Variants in POT1 observed in about 807,000 individuals in gnomAD.
POT1 encodes protection of telomeres 1, also known as protection of telomeres protein 1.
Under a neutral mutation model 78.5 loss-of-function variants are expected in POT1, and 47 were observed. The observed-to-expected ratio is 0.60, with a 90% confidence interval of 0.47 to 0.76. POT1 has a LOEUF of 0.76. Ranked by LOEUF, POT1 falls within the 30% of genes least tolerant of loss-of-function variation. The pLI, the probability that POT1 is intolerant of heterozygous loss-of-function variation, is 0.00. For synonymous variants in POT1, 259 were observed against 260.7 expected, an observed-to-expected ratio of 0.99 and a Z score of 0.06; for missense variants, 646 against 749.9, an observed-to-expected ratio of 0.86 and a Z score of 1.62.
Position 124,822,538 on chromosome 7 carries a change from A to G in POT1, c.*1424T>C. On this transcript the variant is annotated 3_prime_UTR_variant, in exon 19 of 19. Coordinates refer to ENST00000357628, the MANE Select transcript of POT1 (RefSeq NM_015450.3). The stretch of plus-strand genomic sequence containing the variant: ...GGCACCTTTGGACCTCTACTCTTCT[A>G]GATTGAGGGCTTCCTGAAGGCAGAA... 1 of 455,878 alleles carries G rather than the reference A, an allele frequency of 2.2e-6. No homozygotes were observed. Among genetic ancestry groups the G allele is most frequent in the South Asian group, 1.6e-5 (1 of 64,428 alleles). 28.2% of individuals were successfully genotyped at this position (455,878 alleles called of 1,614,324 possible).
intron 16 of POT1, chr7:124,829,035 C>T (rs1381898679): frequency 1.4e-5 from 10 of 737,456 alleles, no homozygotes; most frequent in African/African-American, 3.4e-5. Context: ...AATAGTAAGG[C>T]ATAGGGGAAA....
At chr7:124,891,757 G>A (rs919747194) in intron 6 of POT1, among the ~76,000 whole-genome samples, 2 of 151,036 alleles carry the variant, frequency 1.3e-5, no homozygotes, top group African/African-American at 4.9e-5. Flanking sequence ...ACTTTAACCT[G>A]ACAATTTAAC....
At chr7:124,875,831 G>A (rs2116581761) in intron 6 of POT1, among the ~76,000 whole-genome samples, 1 of 152,204 alleles carries the variant, frequency 6.6e-6, no homozygotes, top group Admixed American at 6.5e-5. Flanking sequence ...CGTTATTCTG[G>A]GACATGACTG....
intron 11 of POT1, among the ~76,000 whole-genome samples, chr7:124,847,356 G>T (rs1795197372): frequency 6.6e-6 from 1 of 152,142 alleles, no homozygotes. Flanking sequence ...TTAGCCAAGT[G>T]TGGTGCAGAT....
intron 6 of POT1, among the ~76,000 whole-genome samples, chr7:124,879,659 A>G (rs1247069728): frequency 6.6e-6 from 1 of 152,118 alleles, no homozygotes; most frequent in Non-Finnish European, 1.5e-5. Context: ...GCAATAGGAT[A>G]TTTTTCTGTT....
At chr7:124,877,440 A>G (rs1584781832) in intron 6 of POT1, among the ~76,000 whole-genome samples, 1 of 152,264 alleles carries the variant, frequency 6.6e-6, no homozygotes, top group East Asian at 1.9e-4. Flanking sequence ...GACAATAGTA[A>G]TGGATCTCCC....
intron 6 of POT1, among the ~76,000 whole-genome samples, chr7:124,883,296 C>T (rs1796165405): frequency 2.0e-5 from 3 of 151,840 alleles, no homozygotes; most frequent in Admixed American, 2.0e-4. Flanking sequence ...AGCCAAAAAA[C>T]AGAAAAGTAG....
chr7:124,925,064 T>C lies in POT1; in HGVS notation c.-227+3751A>G, dbSNP rs75726069. On this transcript the variant is annotated intron_variant, in intron 2 of 18. Transcript: ENST00000357628. ...TCTAAGAATTGGAACAAGATAAGGA[T>C]ACCCACTTTCACCACTCTTACTCAA... Among the ~76,000 whole-genome samples, 610 of 152,146 alleles carry C rather than the reference T, an allele frequency of 4.0e-3. 3 individuals carry two copies. Among genetic ancestry groups the C allele is most frequent in the South Asian group, 8.5e-3 (41 of 4,826 alleles).
At chr7:124,825,827 G>A (rs1794617875) in intron 17 of POT1, among the ~76,000 whole-genome samples, 1 of 152,160 alleles carries the variant, frequency 6.6e-6, no homozygotes, top group African/African-American at 2.4e-5. Flanking sequence ...CATAGCAGGT[G>A]CTCATTAAAT....
At position 124,851,856 on chromosome 7, in the gene POT1, T is replaced by TA; in HGVS notation, c.949+15dup. The TA allele has an allele frequency of 6.5e-7, 1 of 1,547,728 alleles. No individual in the cohort carries two copies. Among genetic ancestry groups the TA allele is most frequent in the Non-Finnish European group, 8.9e-7 (1 of 1,120,354 alleles). ...TTAGCAAGAACTAAACTGTCAATGTTAAAGATTATCCTTACTTGGAAAGCT... is the reference window on the plus strand; with the variant it reads ...TTAGCAAGAACTAAACTGTCAATGTTAAAAGATTATCCTTACTTGGAAAGCT... On this transcript the variant is annotated intron_variant, in intron 11 of 18. Coordinates refer to ENST00000357628, the MANE Select transcript of POT1 (RefSeq NM_015450.3).
intron 13 of POT1, among the ~76,000 whole-genome samples, chr7:124,841,391 T>C (rs1795025621): frequency 6.6e-6 from 1 of 151,982 alleles, no homozygotes; most frequent in South Asian, 2.1e-4. Flanking sequence ...TGGGTAAGTA[T>C]ATCCAAATCA....
chr7:124,829,613 A>G (rs952122144), intron 15 of POT1, among the ~76,000 whole-genome samples: 2 of 152,118 alleles, frequency 1.3e-5, no homozygotes, highest in Non-Finnish European at 2.9e-5. Flanking sequence ...GGTCCAAATC[A>G]TTAATTAATT....
intron 3 of POT1, among the ~76,000 whole-genome samples, chr7:124,908,075 G>T (rs1050186815): frequency 1.3e-5 from 2 of 151,856 alleles, no homozygotes; most frequent in Admixed American, 1.3e-4. Flanking sequence ...CAAGAAAAGG[G>T]CATTGAAAAT....
chr7:124,847,058 A>G, intron 11 of POT1, 60 bp from the exon 12 acceptor site: 1 of 1,161,564 alleles, frequency 8.6e-7, no homozygotes, highest in South Asian at 1.3e-5. Context: ...AGAACTGAAA[A>G]CAATGGAGCG....
chr7:124,888,236 T>C (rs1796291435), intron 6 of POT1, among the ~76,000 whole-genome samples: 1 of 152,142 alleles, frequency 6.6e-6, no homozygotes, highest in African/African-American at 2.4e-5. Context: ...TTCCCCATTA[T>C]ATATTCTTGC....
intron 9 of POT1, among the ~76,000 whole-genome samples, chr7:124,855,680 TA>T (rs931573775): frequency 1.9e-4 from 27 of 143,582 alleles, no homozygotes; most frequent in South Asian, 6.5e-4. Flanking sequence ...CTAGAAACAC[TA>T]AAAAAAAAAG....
At chr7:124,902,440 A>G (rs1703611665) in intron 3 of POT1, among the ~76,000 whole-genome samples, 1 of 152,324 alleles carries the variant, frequency 6.6e-6, no homozygotes, top group Non-Finnish European at 1.5e-5. Flanking sequence ...TCTTAAGTGA[A>G]GGAGAAATAA....
At chr7:124,913,130 C>A (rs1796931648) in intron 3 of POT1, among the ~76,000 whole-genome samples, 2 of 151,994 alleles carry the variant, frequency 1.3e-5, no homozygotes, top group South Asian at 4.2e-4. Flanking sequence ...TGAGAACAGC[C>A]AAGGAAAGAC....
intron 5 of POT1, among the ~76,000 whole-genome samples, chr7:124,896,838 G>T (rs1796503331): frequency 6.6e-6 from 1 of 151,520 alleles, no homozygotes; most frequent in African/African-American, 2.4e-5. Flanking sequence ...AAAAAGAAAT[G>T]AATTTGCCTA....
Sources: gnomAD v4.1 joint callset for allele counts (sites outside exome capture counted in the v4.1 genomes callset) on GRCh38, gnomAD v4.1.1 for gene constraint, MANE v1.5 for transcripts, NCBI Gene and HGNC (gene_info 2026-07-23, HGNC 2026-07-21) for gene names.